Variants in SORCS3 observed in about 807,000 individuals in gnomAD.
SORCS3 encodes the protein sortilin related VPS10 domain containing receptor 3, also known as VPS10 domain-containing receptor SorCS3.
A neutral mutation model predicts 146.3 loss-of-function variants in SORCS3; 57 were observed. That is an observed-to-expected ratio of 0.39 (90% CI 0.31 to 0.49). The LOEUF is 0.49. SORCS3 is among the 20% of genes least tolerant of loss of function. The pLI is 0.92. For synonymous variants in SORCS3, 653 were observed against 618.5 expected, an observed-to-expected ratio of 1.06 and a Z score of -0.83; for missense variants, 1,341 against 1,575.5, an observed-to-expected ratio of 0.85 and a Z score of 2.52.
chr10:104,833,642 C>T (rs775000978), intron 1 of SORCS3, among the ~76,000 whole-genome samples: 6 of 152,140 alleles, frequency 3.9e-5, no homozygotes, highest in Non-Finnish European at 7.4e-5. Flanking sequence ...TTTTCTGCCT[C>T]GTTTCACTGA....
At chr10:104,896,316 C>T (rs2018797296) in intron 2 of SORCS3, among the ~76,000 whole-genome samples, 1 of 152,138 alleles carries the variant, frequency 6.6e-6, no homozygotes, top group Non-Finnish European at 1.5e-5. Flanking sequence ...AGACCTTGGC[C>T]TTAATAAAGA....
intron 1 of SORCS3, among the ~76,000 whole-genome samples, chr10:104,821,449 G>A (rs147260885): frequency 1.8e-4 from 27 of 152,270 alleles, no homozygotes; most frequent in African/African-American, 4.1e-4. Flanking sequence ...TGGGGACACC[G>A]GTGAGGGTTT....
intron 2 of SORCS3, among the ~76,000 whole-genome samples, chr10:104,862,247 C>T (rs1256170090): frequency 2.0e-5 from 3 of 152,070 alleles, no homozygotes; most frequent in Non-Finnish European, 2.9e-5. Context: ...GGTACATGGA[C>T]CACAGGATCT....
At chr10:104,971,494 A>T (rs774177444) in intron 3 of SORCS3, among the ~76,000 whole-genome samples, 3 of 152,228 alleles carry the variant, frequency 2.0e-5, no homozygotes, top group Non-Finnish European at 2.9e-5. Flanking sequence ...GGAAACGCTC[A>T]TGGAGCTAGG....
Position 105,197,878 on chromosome 10 carries a change from A to G in SORCS3, c.2010-2121A>G, listed in dbSNP as rs140121374. ...CAGCTTTATGTCATCAAAAAATTCA[A>G]TTTCCAATGATGACCATTATTTTCA... On this transcript the variant is annotated intron_variant, in intron 14 of 26. Transcript: ENST00000369701. Among the ~76,000 whole-genome samples the G allele has an allele frequency of 5.9e-5, 9 of 152,280 alleles. No homozygotes were observed. In the East Asian group the frequency reaches 1.7e-3, roughly 29 times the overall value.
chr10:105,050,844 T>A (rs535964343), intron 5 of SORCS3, among the ~76,000 whole-genome samples: 127 of 152,308 alleles, frequency 8.3e-4, no homozygotes, highest in Admixed American at 3.7e-3. Context: ...CCTGTCTACA[T>A]ACAACTACTT....
At chr10:104,719,273 C>A (rs1322554777) in intron 1 of SORCS3, among the ~76,000 whole-genome samples, 2 of 152,106 alleles carry the variant, frequency 1.3e-5, no homozygotes, top group African/African-American at 4.8e-5. Flanking sequence ...TATTTTATTC[C>A]TTCCTCATTA....
intron 1 of SORCS3, among the ~76,000 whole-genome samples, chr10:104,800,385 T>C (rs2017611371): frequency 6.6e-6 from 1 of 152,208 alleles, no homozygotes; most frequent in Non-Finnish European, 1.5e-5. Context: ...GAAACTATTC[T>C]GTACGATTCT....
intron 1 of SORCS3, among the ~76,000 whole-genome samples, chr10:104,661,269 G>A (rs1018565719): frequency 3.9e-5 from 6 of 152,104 alleles, no homozygotes; most frequent in African/African-American, 1.4e-4. Flanking sequence ...GAATGAGGAC[G>A]AGTCTTGTAA....
At chr10:105,035,502 C>G (rs2055300031) in intron 4 of SORCS3, among the ~76,000 whole-genome samples, 2 of 149,450 alleles carry the variant, frequency 1.3e-5, no homozygotes, top group Admixed American at 6.7e-5. Flanking sequence ...GAGTCTGGCT[C>G]TGTTGCCCAG....
Position 104,904,789 on chromosome 10 carries a change from A to T in SORCS3, c.696-11044A>T, listed in dbSNP as rs75733217. ...TGATGTGGCTATCTTGTGCGTTATT[A>T]TTTTTTTTTTAATTTAAGGGTATTT... On this transcript the variant is annotated intron_variant, in intron 2 of 26. Coordinates refer to ENST00000369701, the MANE Select transcript of SORCS3 (RefSeq NM_014978.3). 6.1e-4 allele frequency among the ~76,000 whole-genome samples: 40 copies of T among 65,794 alleles called. 1 individual carries two copies. In the African/African-American group the frequency reaches 8.1e-3, roughly 13 times the overall value. 43.2% of individuals were successfully genotyped at this position (65,794 alleles called of 152,430 possible).
chr10:105,125,139 G>A (rs1304516765), intron 7 of SORCS3, among the ~76,000 whole-genome samples: 1 of 152,158 alleles, frequency 6.6e-6, no homozygotes, highest in East Asian at 1.9e-4. Flanking sequence ...TACTTGTGAA[G>A]TTGATTGAAT....
intron 5 of SORCS3, among the ~76,000 whole-genome samples, chr10:105,068,831 C>T (rs952360838): frequency 7.2e-5 from 11 of 152,156 alleles, no homozygotes; most frequent in Non-Finnish European, 1.3e-4. Context: ...GGAATGACAA[C>T]TAATGTGTCA....
chr10:104,900,066 C>T (rs1194386710), intron 2 of SORCS3, among the ~76,000 whole-genome samples: 1 of 152,146 alleles, frequency 6.6e-6, no homozygotes, highest in African/African-American at 2.4e-5. Flanking sequence ...GTCTTGCTTC[C>T]CTTTCTCCCA....
chr10:104,779,231 A>T (rs1262721939), intron 1 of SORCS3, among the ~76,000 whole-genome samples: 1 of 152,170 alleles, frequency 6.6e-6, no homozygotes, highest in Admixed American at 6.5e-5. Flanking sequence ...TGGACTTTTG[A>T]CTTCTAGAAC....
At chr10:105,221,294 T>C (rs1044036243) in intron 19 of SORCS3, among the ~76,000 whole-genome samples, 1 of 152,134 alleles carries the variant, frequency 6.6e-6, no homozygotes, top group African/African-American at 2.4e-5. Flanking sequence ...AACATAAAAT[T>C]ACCTATGACA....
chr10:105,158,759 C>T, intron 10 of SORCS3, 133 bp from the exon 11 acceptor site: 1 of 676,792 alleles, frequency 1.5e-6, no homozygotes, highest in Non-Finnish European at 2.6e-6. Context: ...ATCTCCTGCC[C>T]AAAACTGTGT....
intron 3 of SORCS3, among the ~76,000 whole-genome samples, chr10:104,916,824 G>A (rs1444528710): frequency 6.6e-6 from 1 of 152,098 alleles, no homozygotes; most frequent in African/African-American, 2.4e-5. Flanking sequence ...TTCCCCCGTG[G>A]TTTTGCCAGT....
chr10:105,149,333 C>G (rs996763520), intron 9 of SORCS3, among the ~76,000 whole-genome samples: 1 of 152,064 alleles, frequency 6.6e-6, no homozygotes, highest in African/African-American at 2.4e-5. Flanking sequence ...AAAACAAAAT[C>G]GTAGAAATAC....
Sources: allele counts gnomAD v4.1 joint callset (sites outside exome capture counted in the v4.1 genomes callset), GRCh38; gene constraint gnomAD v4.1.1; transcripts MANE v1.5; gene names NCBI Gene and HGNC (gene_info 2026-07-23, HGNC 2026-07-21).